Variants in DRC11 observed in about 807,000 individuals in gnomAD.
DRC11 encodes dynein regulatory complex subunit 11.
the DRC11 span, among the ~76,000 whole-genome samples, chr2:236,501,146 G>A: frequency 2.0e-5 from 3 of 152,150 alleles, no homozygotes; most frequent in Admixed American, 6.5e-5. Context: ...CTCACATGGC[G>A]GGAGCAGGAG....
At chr2:236,490,998 ATATT>A in the DRC11 span, among the ~76,000 whole-genome samples, 2 of 137,406 alleles carry the variant, frequency 1.5e-5, no homozygotes, top group African/African-American at 5.2e-5. The surrounding 1 kb of genome is among the most constrained non-coding windows in gnomAD (Gnocchi z 5.5). Context: ...CCCCAAGAAT[ATATT>A]GTGTGTATAT....
At chr2:236,353,120 C>T in the DRC11 span, among the ~76,000 whole-genome samples, 1 of 152,196 alleles carries the variant, frequency 6.6e-6, no homozygotes, top group Non-Finnish European at 1.5e-5. The surrounding 1 kb of genome is among the most constrained non-coding windows in gnomAD (Gnocchi z 5.0). Flanking sequence ...TTTCATTTAG[C>T]TATGAAAAGG....
the DRC11 span, among the ~76,000 whole-genome samples, chr2:236,468,346 C>A: frequency 6.6e-6 from 1 of 152,114 alleles, no homozygotes; most frequent in African/African-American, 2.4e-5. Flanking sequence ...CCTGTCTCTG[C>A]CTCTTAAAGT....
the DRC11 span, chr2:236,497,450 G>C: frequency 3.4e-5 from 55 of 1,612,868 alleles, no homozygotes; most frequent in Non-Finnish European, 4.7e-5. The surrounding 1 kb of genome is among the most constrained non-coding windows in gnomAD (Gnocchi z 5.1). Context: ...AAAGCACCGA[G>C]GGCTTCTTGG....
chr2:236,373,644 T>G, the DRC11 span, among the ~76,000 whole-genome samples: 857 of 152,358 alleles, frequency 5.6e-3, 10 homozygotes, highest in African/African-American at 0.02. Flanking sequence ...TCTTATTCTT[T>G]TTTTCTTATG....
At chr2:236,474,994 CTT>C in the DRC11 span, among the ~76,000 whole-genome samples, 1 of 152,244 alleles carries the variant, frequency 6.6e-6, no homozygotes. Context: ...AAATCCTACT[CTT>C]TTAGCTATTT....
chr2:236,497,111 T>A, the DRC11 span: 1 of 1,350,610 alleles, frequency 7.4e-7, no homozygotes, highest in Non-Finnish European at 1.0e-6. The surrounding 1 kb of genome is among the most constrained non-coding windows in gnomAD (Gnocchi z 5.1). Context: ...CGGGTACATA[T>A]CTTATTTATA....
chr2:236,403,319 G>C, the DRC11 span, among the ~76,000 whole-genome samples: 1 of 152,192 alleles, frequency 6.6e-6, no homozygotes, highest in South Asian at 2.1e-4. Context: ...GCGGGAGAGA[G>C]AGAGAGGCAG....
the DRC11 span, chr2:236,493,981 G>A: frequency 9.4e-7 from 1 of 1,062,214 alleles, no homozygotes; most frequent in Non-Finnish European, 1.3e-6. Context: ...GCACATCAAA[G>A]ACGCTTGCTT....
At chr2:236,495,256 T>C in the DRC11 span, among the ~76,000 whole-genome samples, 1 of 152,116 alleles carries the variant, frequency 6.6e-6, no homozygotes, top group African/African-American at 2.4e-5. The surrounding 1 kb of genome is among the most constrained non-coding windows in gnomAD (Gnocchi z 5.6). Context: ...GGCAGGAGAA[T>C]TGCTTGAACC....
the DRC11 span, among the ~76,000 whole-genome samples, chr2:236,438,212 T>A: frequency 2.1e-5 from 3 of 140,728 alleles, no homozygotes; most frequent in Admixed American, 7.0e-5. Flanking sequence ...CCTTTCCCCA[T>A]TGCTTGTTTT....
At chr2:236,491,863 C>A in the DRC11 span, among the ~76,000 whole-genome samples, 1 of 152,268 alleles carries the variant, frequency 6.6e-6, no homozygotes, top group East Asian at 1.9e-4. Context: ...ATGGTTTAAA[C>A]GTGTCCCACA....
At chr2:236,320,838 C>G in the DRC11 span, among the ~76,000 whole-genome samples, 3,447 of 151,970 alleles carry the variant, frequency 0.023, 74 homozygotes, top group Non-Finnish European at 0.034. Flanking sequence ...GCCGGTACCC[C>G]CCCGCCCCCC....
At chr2:236,384,403 C>T in the DRC11 span, among the ~76,000 whole-genome samples, 24 of 152,182 alleles carry the variant, frequency 1.6e-4, no homozygotes, top group Non-Finnish European at 3.4e-4. Flanking sequence ...ATTTGCATTT[C>T]TCTGATGGCC....
chr2:236,484,704 C>A, the DRC11 span, among the ~76,000 whole-genome samples: 5 of 151,786 alleles, frequency 3.3e-5, no homozygotes, highest in South Asian at 8.3e-4. Flanking sequence ...GGCAATGAAA[C>A]CCTCAGTAGC....
the DRC11 span, among the ~76,000 whole-genome samples, chr2:236,480,280 T>C: frequency 6.6e-6 from 1 of 152,150 alleles, no homozygotes; most frequent in East Asian, 1.9e-4. Context: ...TTTTTATCTT[T>C]CTCTAGGTTT....
the DRC11 span, among the ~76,000 whole-genome samples, chr2:236,459,620 T>TACGTATAC: frequency 2.2e-5 from 3 of 138,972 alleles, no homozygotes; most frequent in African/African-American, 5.6e-5. Flanking sequence ...TATATAAGTA[T>TACGTATAC]ATACATACGT....
chr2:236,497,108 ATATCT>A, the DRC11 span: 1 of 1,325,324 alleles, frequency 7.5e-7, no homozygotes, highest in South Asian at 1.4e-5. This position sits in a 1 kb window ranked among gnomAD's most constrained non-coding sequence, Gnocchi z 5.1. Flanking sequence ...TATCGGGTAC[ATATCT>A]TATTTATAAC....
At chr2:236,357,000 T>TCA in the DRC11 span, among the ~76,000 whole-genome samples, 2 of 67,864 alleles carry the variant, frequency 2.9e-5, no homozygotes, top group African/African-American at 9.5e-5. Context: ...ATCTATATAT[T>TCA]TATATATTCA....
Sources: allele counts gnomAD v4.1 joint callset (sites outside exome capture counted in the v4.1 genomes callset), GRCh38; gene constraint gnomAD v4.1.1; non-coding constraint Gnocchi (gnomAD v3.1); transcripts MANE v1.5; gene names NCBI Gene and HGNC (gene_info 2026-07-23, HGNC 2026-07-21).